NR2F6: variants seen among roughly 807,000 people sequenced by gnomAD.
NR2F6 encodes nuclear receptor subfamily 2 group F member 6, also known as ERBA-related gene-2.
Under a neutral mutation model 26.5 loss-of-function variants are expected in NR2F6, and 16 were observed. That is an observed-to-expected ratio of 0.60 (90% CI 0.41 to 0.92). The LOEUF (loss-of-function observed/expected upper bound fraction) is 0.92, where lower values mean the gene tolerates loss of function less well. NR2F6 is among the 40% of genes least tolerant of loss of function. The pLI is 0.00. For synonymous variants in NR2F6, 325 were observed against 305.0 expected, an observed-to-expected ratio of 1.07 and a Z score of -0.68; for missense variants, 536 against 631.7, an observed-to-expected ratio of 0.85 and a Z score of 1.62.
chr19:17,235,511 G>C lies in NR2F6; in HGVS notation c.928C>G (p.Leu310Val). ...AEYGCLKAIA[L>V]FTPDACGLSD... ...GAGCGTGGCTCACCGGGCGTGAAGAGCGCGATGGCCTTGAGGCAGCCATAC... is the reference window on the plus strand; with the variant it reads ...GAGCGTGGCTCACCGGGCGTGAAGACCGCGATGGCCTTGAGGCAGCCATAC... Residue 310 changes from leucine to valine, a missense_variant, in exon 3 of 4, where the codon CTC (leucine) becomes GTC (valine). By Grantham distance (32) the Leu-to-Val change is conservative. Coordinates refer to ENST00000291442, the MANE Select transcript of NR2F6 (RefSeq NM_005234.4). The surrounding 1 kb of genome is among the most constrained non-coding windows in gnomAD (Gnocchi z 5.0). The C allele has an allele frequency of 6.3e-7, 1 of 1,590,308 alleles. No individual in the cohort carries two copies. Among genetic ancestry groups the C allele is most frequent in the African/African-American group, 1.3e-5 (1 of 74,526 alleles).
chr19:17,243,301 G>A (rs545022594), intron 1 of NR2F6, among the ~76,000 whole-genome samples: 2 of 152,322 alleles, frequency 1.3e-5, no homozygotes, highest in East Asian at 1.9e-4. Flanking sequence ...CTTCTCAGGA[G>A]CTAGACTTGG....
intron 1 of NR2F6, among the ~76,000 whole-genome samples, chr19:17,241,362 A>T (rs2073468318): frequency 1.3e-5 from 2 of 151,618 alleles, no homozygotes; most frequent in South Asian, 4.2e-4. Flanking sequence ...CTCAGCCCTG[A>T]AGGCCCCACA....
chr19:17,244,867 G>C, intron 1 of NR2F6, 76 bp downstream of exon 1: 1 of 1,507,516 alleles, frequency 6.6e-7, no homozygotes, highest in Non-Finnish European at 8.9e-7. Context: ...CCAGGCCCAA[G>C]GTGACCGAGC....
In NR2F6 at chr19:17,231,899, G is replaced by A; in HGVS notation, c.*453C>T. 6.1e-6 allele frequency: 1 copy of A among 164,262 alleles called. No individual in the cohort carries two copies. Among genetic ancestry groups the A allele is most frequent in the Non-Finnish European group, 1.3e-5 (1 of 74,812 alleles). 10.2% of individuals were successfully genotyped at this position (164,262 alleles called of 1,614,324 possible). A position where few individuals can be genotyped will look rare whatever the true frequency, so the allele number is the denominator to read the frequency against. ...CAGGGAGGCTGTGCAGGTAGGAAAT[G>A]TCTTTATTATTGGCCTTGAGTCATC... On this transcript the variant is annotated 3_prime_UTR_variant, in exon 4 of 4. Coordinates refer to ENST00000291442, the MANE Select transcript of NR2F6 (RefSeq NM_005234.4).
At position 17,232,409 on chromosome 19, in the gene NR2F6, G is replaced by A; in HGVS notation, c.1158C>T (p.Ile386=). 1.2e-6 allele frequency: 2 copies of A among 1,614,124 alleles called. No homozygotes were observed. The highest frequency in any genetic ancestry group is 1.7e-6 in the Non-Finnish European group (2 of 1,180,020). Residue 386 remains isoleucine (I), a synonymous_variant, in exon 4 of 4, where the codon ATC becomes ATT. Coordinates refer to ENST00000291442, the MANE Select transcript of NR2F6 (RefSeq NM_005234.4). ...LVGKTPIETL[I]RDMLLSGSTF... is the part of the protein sequence containing the mutation. Reference sequence around the variant, plus strand: ...TACTCCCCGACAGCAGCATGTCTCTGATCAGTGTCTCAATGGGCGTCTTCC... The same window carrying A: ...TACTCCCCGACAGCAGCATGTCTCTAATCAGTGTCTCAATGGGCGTCTTCC...
Position 17,232,463 on chromosome 19 carries a change from G to A in NR2F6, c.1104C>T (p.Ile368=). The change falls in exon 4 of 4, where the codon ATC becomes ATT. Residue 368 remains isoleucine (I), a synonymous_variant. Coordinates refer to ENST00000291442, the MANE Select transcript of NR2F6 (RefSeq NM_005234.4). The stretch of plus-strand genomic sequence containing the variant: ...CCAGGCGCATGAAGAACAGCTGGGA[G>A]ATGAGGGAGGCAGGGACCGCGCGCA... ...PALRAVPASL[I]SQLFFMRLVG... The A allele has an allele frequency of 1.2e-6, 2 of 1,614,012 alleles. No homozygotes were observed. The highest frequency in any genetic ancestry group is 2.2e-5 in the South Asian group (2 of 91,090).
rs932269090 is a variant in NR2F6 at position 17,239,656 on chromosome 19, A to G, written c.373+1015T>C. 6.3e-5 allele frequency among the ~76,000 whole-genome samples: 9 copies of G among 141,860 alleles called. No homozygotes were observed. In the South Asian group the frequency reaches 1.1e-3, roughly 18 times the overall value. 93.1% of individuals were successfully genotyped at this position (141,860 alleles called of 152,430 possible). A position where few individuals can be genotyped will look rare whatever the true frequency, so the allele number is the denominator to read the frequency against. ...GCGACAGAGCAAGACTCAGTCTCAG[A>G]AAAAAAAAAAAAATTAGCTGGGCGT... On this transcript the variant is annotated intron_variant, in intron 2 of 3. Coordinates refer to ENST00000291442, the MANE Select transcript of NR2F6 (RefSeq NM_005234.4).
chr19:17,235,947 C>T lies in NR2F6; in HGVS notation c.492G>A (p.Gln164=), dbSNP rs967904721. Residue 164 remains glutamine (Q), a synonymous_variant, in exon 3 of 4, where the codon CAG becomes CAA. Transcript: ENST00000291442. This position sits in a 1 kb window ranked among gnomAD's most constrained non-coding sequence, Gnocchi z 5.0. The part of the protein sequence containing the change: ...VASGGDLFPG[Q]PVSELIAQLL... ...GCTGCGCGATCAGTTCGGACACCGG[C>T]TGCCCCGGGAAGAGGTCTCCGCCGC... is the stretch of plus-strand genomic sequence containing the variant. The T allele has an allele frequency of 7.4e-6, 11 of 1,481,454 alleles. No homozygotes were observed. The Admixed American group carries it at 1.8e-4, about 24-fold the overall frequency. The allele number at this position is 1,481,454 out of a possible 1,614,324, so 91.8% of individuals were successfully genotyped here. A position where few individuals can be genotyped will look rare whatever the true frequency, so the allele number is the denominator to read the frequency against.
intron 2 of NR2F6, among the ~76,000 whole-genome samples, chr19:17,239,515 G>A (rs896008571): frequency 4.6e-5 from 7 of 151,976 alleles, no homozygotes; most frequent in African/African-American, 1.5e-4. Context: ...ATATCCGGGC[G>A]AGATGGCAGG....
chr19:17,243,683 C>G (rs1255239214), intron 1 of NR2F6, among the ~76,000 whole-genome samples: 2 of 152,254 alleles, frequency 1.3e-5, no homozygotes, highest in African/African-American at 4.8e-5. Context: ...CCAGCCCTGA[C>G]CCGGGACCTG....
chr19:17,244,924 G>A lies in NR2F6; in HGVS notation c.278+19C>T, dbSNP rs1423837733. On this transcript the variant is annotated intron_variant, in intron 1 of 3. Coordinates refer to ENST00000291442, the MANE Select transcript of NR2F6 (RefSeq NM_005234.4). ...TCGGGGCGGGGTGCACGGCGGCGGC[G>A]CGCGGATGGGGGGCTCACCGGCAGG... 6.4e-7 allele frequency: 1 copy of A among 1,559,006 alleles called. No individual in the cohort carries two copies. Among genetic ancestry groups the A allele is most frequent in the Admixed American group, 2.0e-5 (1 of 51,004 alleles).
At chr19:17,232,754 C>T (rs1286459306) in intron 3 of NR2F6, 128 bp from the exon 4 acceptor site, 2 of 1,156,306 alleles carry the variant, frequency 1.7e-6, no homozygotes, top group Non-Finnish European at 2.4e-6. Context: ...GGCTCACGGC[C>T]ACAGTCCCAG....
chr19:17,245,106 C>A lies in NR2F6; in HGVS notation c.115G>T (p.Ala39Ser), dbSNP rs747713251. The change falls in exon 1 of 4, where the codon GCC (alanine) becomes TCC (serine). Residue 39 changes from alanine to serine, a missense_variant. Transcript: ENST00000291442. The surrounding 1 kb of genome is among the most constrained non-coding windows in gnomAD (Gnocchi z 5.0). ...EDDSASPPGA[A>S]SDAEPGDEER... ...TCGTCGCCCGGCTCGGCGTCGCTGG[C>A]GGCACCGGGGGGCGAGGCCGAGTCG... The A allele has an allele frequency of 3.2e-6, 5 of 1,558,372 alleles. No individual in the cohort carries two copies. The highest frequency in any genetic ancestry group is 1.8e-4 in the Middle Eastern group (1 of 5,488).
At position 17,245,325 on chromosome 19, in the gene NR2F6, G is replaced by C; in HGVS notation, c.-105C>G. 1 of 996,968 alleles carries C rather than the reference G, an allele frequency of 1.0e-6. No homozygotes were observed. The highest frequency in any genetic ancestry group is 1.3e-6 in the Non-Finnish European group (1 of 793,078). The allele number at this position is 996,968 out of a possible 1,614,324, so 61.8% of individuals were successfully genotyped here. A position where few individuals can be genotyped will look rare whatever the true frequency, so the allele number is the denominator to read the frequency against. On this transcript the variant is annotated 5_prime_UTR_variant, in exon 1 of 4. Transcript: ENST00000291442. The surrounding 1 kb of genome is among the most constrained non-coding windows in gnomAD (Gnocchi z 5.0). Reference sequence around the variant, plus strand: ...CGGCGCGCATTCGGCCCCGGCGCGCGGGGGGCACGGGCTGCACCCCCCAAA... The same window carrying C: ...CGGCGCGCATTCGGCCCCGGCGCGCCGGGGGCACGGGCTGCACCCCCCAAA...
chr19:17,238,089 A>G (rs563780996), intron 2 of NR2F6, among the ~76,000 whole-genome samples: 1 of 152,288 alleles, frequency 6.6e-6, no homozygotes, highest in African/African-American at 2.4e-5. Context: ...GCAGTGAGCT[A>G]TGATCGCACC....
At position 17,245,041 on chromosome 19, in the gene NR2F6, C is replaced by G. The variant is rs777182421; in HGVS notation, c.180G>C (p.Gly60=). 40 of 1,603,338 alleles carry G rather than the reference C, an allele frequency of 2.5e-5. 1 individual carries two copies. In the South Asian group the frequency reaches 4.5e-4, roughly 18 times the overall value. The change falls in exon 1 of 4, where the codon GGG becomes GGC. Residue 60 remains glycine, a synonymous_variant. Transcript: ENST00000291442. The surrounding 1 kb of genome is among the most constrained non-coding windows in gnomAD (Gnocchi z 5.0). ...CGTAATGCTTGCCGCTCGACTTGTC[C>G]CCGCACACCACGCAGTCCACCTGCA... is the stretch of plus-strand genomic sequence containing the variant. The part of the protein sequence containing the change: ...PGLQVDCVVC[G]DKSSGKHYGV...
At position 17,235,420 on chromosome 19, in the gene NR2F6, G is replaced by C; in HGVS notation, c.940+79C>G. The C allele has an allele frequency of 6.6e-7, 1 of 1,515,794 alleles. No homozygotes were observed. The highest frequency in any genetic ancestry group is 8.8e-7 in the Non-Finnish European group (1 of 1,137,960). The allele number at this position is 1,515,794 out of a possible 1,614,324, so 93.9% of individuals were successfully genotyped here. ...AGCGAGCGGGGCGCTATGGGGGCCG[G>C]AGTCTGGGTCCAGGCCGCCCTCCTC... On this transcript the variant is annotated intron_variant, in intron 3 of 3. Transcript: ENST00000291442. The surrounding 1 kb of genome is among the most constrained non-coding windows in gnomAD (Gnocchi z 5.0).
intron 1 of NR2F6, among the ~76,000 whole-genome samples, chr19:17,243,074 C>T (rs767873384): frequency 3.3e-5 from 5 of 152,212 alleles, no homozygotes; most frequent in Non-Finnish European, 5.9e-5. Flanking sequence ...AGCACAGCTC[C>T]CCCAGTCTGC....
rs1490542513 is a variant in NR2F6, at chr19:17,245,851, C to G, written c.-631G>C. 15 of 146,940 alleles carry G rather than the reference C, an allele frequency of 1.0e-4. No homozygotes were observed. The highest frequency in any genetic ancestry group is 1.0e-3 in the Admixed American group (15 of 14,772). The allele number at this position is 146,940 out of a possible 1,614,324, so 9.1% of individuals were successfully genotyped here. On this transcript the variant is annotated 5_prime_UTR_variant, in exon 1 of 4. Transcript: ENST00000291442. The surrounding 1 kb of genome is among the most constrained non-coding windows in gnomAD (Gnocchi z 5.0). ...TGCCTGGCCTGGGCCTGCGCCTGGG[C>G]CCAAGCCTCGCTCTCGCCGCCGCCA...
Sources: gnomAD v4.1 joint callset for allele counts (sites outside exome capture counted in the v4.1 genomes callset) on GRCh38, gnomAD v4.1.1 for gene constraint, Gnocchi (gnomAD v3.1) non-coding constraint, MANE v1.5 for transcripts, NCBI Gene and HGNC (gene_info 2026-07-23, HGNC 2026-07-21) for gene names.